The following MSRA variants were observed in gnomAD, a reference collection of about 807,000 sequenced individuals.
MSRA encodes the protein mitochondrial peptide methionine sulfoxide reductase.
MSRA carries 54 observed loss-of-function variants against 31.3 expected under a neutral mutation model. The ratio of observed to expected loss-of-function variants is 1.73; its 90% CI spans 1.39 to 2.17. MSRA has a LOEUF of 2.17. Ranked by LOEUF, MSRA falls within the 30% of genes most tolerant of loss-of-function variation. The probability of loss-of-function intolerance (pLI) is 0.00; values close to 1 mark genes in which losing one functional copy is unlikely to be tolerated. For missense variants in MSRA, 507 were observed against 300.9 expected (o/e 1.69, Z -5.07); for synonymous variants, 169 against 116.5 (o/e 1.45, Z -2.90).
At chr8:10,261,240 C>T (rs1049247533) in intron 3 of MSRA, among the ~76,000 whole-genome samples, 2 of 151,980 alleles carry the variant, frequency 1.3e-5, no homozygotes, top group African/African-American at 2.4e-5. Flanking sequence ...TTTTAATATA[C>T]ATTTAGTATA....
At chr8:10,314,587 A>G (rs2129134101) in intron 4 of MSRA, among the ~76,000 whole-genome samples, 1 of 152,364 alleles carries the variant, frequency 6.6e-6, no homozygotes, top group Middle Eastern at 3.4e-3. Context: ...CTCTGGAAAA[A>G]TAGTTCAGCA....
At chr8:10,099,020 A>C (rs546932163) in intron 1 of MSRA, among the ~76,000 whole-genome samples, 1 of 152,260 alleles carries the variant, frequency 6.6e-6, no homozygotes, top group South Asian at 2.1e-4. Context: ...CCTTTGAAAG[A>C]AGGTTTGCTA....
At chr8:10,158,540 C>T (rs1804368467) in intron 1 of MSRA, among the ~76,000 whole-genome samples, 1 of 152,240 alleles carries the variant, frequency 6.6e-6, no homozygotes, top group African/African-American at 2.4e-5. Context: ...TAGCATGCAT[C>T]AGTGCTTCAG....
At chr8:10,320,887 C>G (rs745395246) in intron 5 of MSRA, among the ~76,000 whole-genome samples, 4 of 152,168 alleles carry the variant, frequency 2.6e-5, no homozygotes, top group African/African-American at 9.7e-5. Context: ...TAAACAGTCT[C>G]TAGTCATATT....
chr8:10,340,569 C>T (rs1179556476), intron 5 of MSRA, among the ~76,000 whole-genome samples: 4 of 152,204 alleles, frequency 2.6e-5, no homozygotes, highest in African/African-American at 7.2e-5. Flanking sequence ...GACAGGGCCT[C>T]GCCATGTTGG....
chr8:10,116,772 A>T (rs1800716592), intron 1 of MSRA, among the ~76,000 whole-genome samples: 1 of 152,134 alleles, frequency 6.6e-6, no homozygotes, highest in Non-Finnish European at 1.5e-5. Context: ...GTGTGAGACC[A>T]GCCTGACCAA....
At chr8:10,287,979 G>A (rs1429845726) in intron 3 of MSRA, among the ~76,000 whole-genome samples, 1 of 152,032 alleles carries the variant, frequency 6.6e-6, no homozygotes, top group Non-Finnish European at 1.5e-5. Context: ...TCTTAATCCT[G>A]TTTTGGCTGC....
chr8:10,194,779 G>A (rs1036167861), intron 1 of MSRA, among the ~76,000 whole-genome samples: 1 of 152,182 alleles, frequency 6.6e-6, no homozygotes, highest in Admixed American at 6.5e-5. Context: ...TCAGAGCTCA[G>A]GGGCTGCTTA....
chr8:10,334,104 C>T (rs938173948), intron 5 of MSRA, among the ~76,000 whole-genome samples: 1 of 151,490 alleles, frequency 6.6e-6, no homozygotes, highest in Non-Finnish European at 1.5e-5. Flanking sequence ...GCCCCAGCGC[C>T]TACTGCCTGC....
chr8:10,413,398 C>G (rs530631006), intron 5 of MSRA, among the ~76,000 whole-genome samples: 3 of 152,200 alleles, frequency 2.0e-5, no homozygotes, highest in African/African-American at 7.2e-5. Context: ...AGTCACTGAA[C>G]AAAGGAACAG....
intron 1 of MSRA, among the ~76,000 whole-genome samples, chr8:10,076,109 A>G (rs1304540877): frequency 6.6e-6 from 1 of 152,212 alleles, no homozygotes; most frequent in East Asian, 1.9e-4. Context: ...GTGACCTTGG[A>G]TAAATTTGCC....
rs529592089 is a variant in MSRA, at chr8:10,203,428, C to A, written c.143-4405C>A. On this transcript the variant is annotated intron_variant, in intron 1 of 5. Coordinates refer to ENST00000317173, the MANE Select transcript of MSRA (RefSeq NM_012331.5). ...TATGTAACAGTCATGTGCCACATAA[C>A]AATGTTTTGACCAACAAGGGATTAT... 3.8e-4 allele frequency among the ~76,000 whole-genome samples: 58 copies of A among 152,240 alleles called. 1 individual carries two copies. The South Asian group carries it at 0.011, about 30-fold the overall frequency.
chr8:10,065,916 G>A (rs962387613), intron 1 of MSRA, among the ~76,000 whole-genome samples: 8 of 151,842 alleles, frequency 5.3e-5, no homozygotes, highest in East Asian at 3.9e-4. Flanking sequence ...TGCTCCTACC[G>A]TGCCTGTGCT....
At chr8:10,395,032 G>T (rs1807009166) in intron 5 of MSRA, among the ~76,000 whole-genome samples, 1 of 152,156 alleles carries the variant, frequency 6.6e-6, no homozygotes, top group Admixed American at 6.5e-5. Context: ...CTGTCCTCTA[G>T]TTGGCTTCCG....
intron 4 of MSRA, among the ~76,000 whole-genome samples, chr8:10,311,116 T>G (rs1801410133): frequency 6.6e-6 from 1 of 152,104 alleles, no homozygotes; most frequent in Non-Finnish European, 1.5e-5. Context: ...CACAGAAAAA[T>G]CAGAGCTGGT....
chr8:10,278,791 T>G (rs1799461461), intron 3 of MSRA, among the ~76,000 whole-genome samples: 1 of 152,116 alleles, frequency 6.6e-6, no homozygotes, highest in African/African-American at 2.4e-5. Context: ...ACTTCAGAAG[T>G]TTTAGACAGT....
At chr8:10,109,204 C>T (rs1456205347) in intron 1 of MSRA, among the ~76,000 whole-genome samples, 1 of 152,174 alleles carries the variant, frequency 6.6e-6, no homozygotes, top group Non-Finnish European at 1.5e-5. Context: ...GCTCAGGAAC[C>T]ATATTTGACA....
intron 1 of MSRA, among the ~76,000 whole-genome samples, chr8:10,078,864 G>A (rs1798133483): frequency 1.3e-5 from 2 of 152,224 alleles, no homozygotes; most frequent in Non-Finnish European, 2.9e-5. Context: ...AATTAACATG[G>A]ATGCCTTCCT....
intron 2 of MSRA, among the ~76,000 whole-genome samples, chr8:10,214,841 T>C (rs1809850272): frequency 6.6e-6 from 1 of 152,208 alleles, no homozygotes; most frequent in Admixed American, 6.5e-5. Context: ...ATTTTATATA[T>C]CTTGTGCATG....
Sources: allele counts gnomAD v4.1 joint callset (sites outside exome capture counted in the v4.1 genomes callset), GRCh38; gene constraint gnomAD v4.1.1; transcripts MANE v1.5; gene names NCBI Gene and HGNC (gene_info 2026-07-23, HGNC 2026-07-21).